The following RMST variants were observed in gnomAD, a reference collection of about 807,000 sequenced individuals.
RMST encodes the protein long intergenic non-protein coding RNA 54.
chr12:97,505,575 T>G (rs1357331922), intron 10 of RMST, among the ~76,000 whole-genome samples: 2 of 152,250 alleles, frequency 1.3e-5, no homozygotes, highest in Non-Finnish European at 2.9e-5. Flanking sequence ...ATGCATTACA[T>G]GTTTTACTAA....
intron 4 of RMST, chr12:97,463,350 A>T (rs1872793112): frequency 6.6e-6 from 1 of 152,210 alleles, no homozygotes; most frequent in Non-Finnish European, 1.5e-5. Flanking sequence ...CAACATTGGG[A>T]TAGAAAGCAA....
At chr12:97,482,007 C>T (rs1411370620) in intron 5 of RMST, among the ~76,000 whole-genome samples, 3 of 152,174 alleles carry the variant, frequency 2.0e-5, no homozygotes, top group Admixed American at 1.3e-4. Flanking sequence ...TTTAAATTCC[C>T]TCAACCTATG....
At chr12:97,487,003 T>A (rs1876187731) in intron 5 of RMST, among the ~76,000 whole-genome samples, 1 of 152,182 alleles carries the variant, frequency 6.6e-6, no homozygotes, top group African/African-American at 2.4e-5. Context: ...GAGCCTGAGA[T>A]TCCAGTTCCG....
chr12:97,512,544 G>C (rs1224904680), intron 10 of RMST, among the ~76,000 whole-genome samples: 4 of 152,144 alleles, frequency 2.6e-5, no homozygotes. Context: ...CACCAGATTA[G>C]CTAGATACAG....
chr12:97,470,399 A>G (rs1873774354), intron 5 of RMST, among the ~76,000 whole-genome samples: 1 of 151,964 alleles, frequency 6.6e-6, no homozygotes, highest in African/African-American at 2.4e-5. Context: ...GGCATAGGGT[A>G]TGCAGTTCAT....
intron 11 of RMST, among the ~76,000 whole-genome samples, chr12:97,533,997 G>C (rs1357169004): frequency 7.2e-5 from 11 of 151,798 alleles, no homozygotes. Context: ...AGCTTATTCA[G>C]CTGGCAAAGT....
At chr12:97,515,238 A>T (rs888903855) in intron 10 of RMST, among the ~76,000 whole-genome samples, 2 of 152,080 alleles carry the variant, frequency 1.3e-5, no homozygotes, top group Non-Finnish European at 2.9e-5. Flanking sequence ...AACTAAACCA[A>T]ATATTCATGT....
intron 5 of RMST, among the ~76,000 whole-genome samples, chr12:97,480,093 T>TC (rs199667213): frequency 5.4e-4 from 58 of 106,492 alleles, no homozygotes; most frequent in South Asian, 3.4e-3. Flanking sequence ...TTTTTTCTTT[T>TC]TTTTTCTTTT....
In RMST at chr12:97,522,039, T is replaced by C. The variant is rs576488386; in HGVS notation, n.1341-8616T>C. On this transcript the variant is annotated intron_variant and non_coding_transcript_variant, in intron 10 of 13. Transcript: ENST00000640149. ...TTAGTCTATGATGATTTTGTGCTAC[T>C]TGTACTTGTGAAAGTTATGATCTGG... 8.5e-5 allele frequency among the ~76,000 whole-genome samples: 13 copies of C among 152,342 alleles called. No individual in the cohort carries two copies. The East Asian group carries it at 2.5e-3, about 29-fold the overall frequency.
At position 97,560,311 on chromosome 12, in the gene RMST, G is replaced by A. The variant is rs1298551279; in HGVS notation, n.1546-226G>A. ...TCGCTAAAGTGTCTTAGAAAATAAT[G>A]CATTCAGACTGAGTCGAATTACCGC... is the stretch of plus-strand genomic sequence containing the variant. On this transcript the variant is annotated intron_variant and non_coding_transcript_variant, in intron 11 of 13. Coordinates refer to ENST00000640149, the Ensembl canonical transcript of RMST. 3.3e-5 allele frequency among the ~76,000 whole-genome samples: 5 copies of A among 152,144 alleles called. No individual in the cohort carries two copies. The East Asian group carries it at 9.6e-4, about 29-fold the overall frequency.
intron 6 of RMST, chr12:97,493,080 A>G (rs528832561): frequency 6.5e-6 from 1 of 152,766 alleles, no homozygotes; most frequent in African/African-American, 2.4e-5. Context: ...CTTTAAAAAA[A>G]TACAAACCAC....
intron 11 of RMST, among the ~76,000 whole-genome samples, chr12:97,555,880 C>T (rs1052366340): frequency 2.0e-5 from 3 of 152,134 alleles, no homozygotes; most frequent in Non-Finnish European, 1.5e-5. Flanking sequence ...TCAATTTTAC[C>T]GGCTGGCTTC....
At chr12:97,506,961 C>T (rs991528414) in intron 10 of RMST, among the ~76,000 whole-genome samples, 3 of 152,072 alleles carry the variant, frequency 2.0e-5, no homozygotes, top group Non-Finnish European at 4.4e-5. Flanking sequence ...GGATTATAGG[C>T]ATGAGCCACT....
chr12:97,511,848 C>T (rs1011082678), intron 10 of RMST, among the ~76,000 whole-genome samples: 3 of 152,288 alleles, frequency 2.0e-5, no homozygotes, highest in African/African-American at 7.2e-5. Context: ...TACTTTATAG[C>T]ACCTTTTATA....
At chr12:97,488,496 G>A (rs990812228) in intron 5 of RMST, among the ~76,000 whole-genome samples, 2 of 152,156 alleles carry the variant, frequency 1.3e-5, no homozygotes, top group African/African-American at 4.8e-5. Flanking sequence ...TTTGAGGATT[G>A]CCAAAGAATA....
At chr12:97,480,160 G>A (rs1268996482) in intron 5 of RMST, among the ~76,000 whole-genome samples, 1 of 146,226 alleles carries the variant, frequency 6.8e-6, no homozygotes, top group Non-Finnish European at 1.5e-5. Context: ...GCCTGATCTC[G>A]GCTCACTGCA....
intron 5 of RMST, among the ~76,000 whole-genome samples, chr12:97,481,459 T>A (rs563314590): frequency 6.6e-6 from 1 of 152,290 alleles, no homozygotes; most frequent in South Asian, 2.1e-4. Flanking sequence ...AGAACACGGA[T>A]TTCCCAGGGT....
At chr12:97,541,378 C>A (rs558538997) in intron 11 of RMST, 1 of 151,572 alleles carries the variant, frequency 6.6e-6, no homozygotes, top group Non-Finnish European at 1.5e-5. Flanking sequence ...TGTTTTTCCA[C>A]GGAATATTGG....
chr12:97,540,617 G>C (rs17334222), intron 11 of RMST, among the ~76,000 whole-genome samples: 6,160 of 151,726 alleles, frequency 0.041, 162 homozygotes, highest in East Asian at 0.12. Context: ...ATGTGACTAG[G>C]AGGCATTTTC....
Sources: allele counts gnomAD v4.1 joint callset (sites outside exome capture counted in the v4.1 genomes callset), GRCh38; gene constraint gnomAD v4.1.1; transcripts MANE v1.5; gene names NCBI Gene and HGNC (gene_info 2026-07-23, HGNC 2026-07-21).